YJU2: variants seen among roughly 807,000 people sequenced by gnomAD.
YJU2 encodes splicing factor YJU2.
A neutral mutation model predicts 39.6 loss-of-function variants in YJU2; 28 were observed. The ratio of observed to expected loss-of-function variants is 0.71; its 90% CI spans 0.52 to 0.97. The LOEUF (loss-of-function observed/expected upper bound fraction) is 0.97, where lower values mean the gene tolerates loss of function less well. Among genes scored for constraint, YJU2 ranks in the 50% least tolerant of loss-of-function variants. The probability of loss-of-function intolerance (pLI) is 0.00; values close to 1 mark genes in which losing one functional copy is unlikely to be tolerated. For synonymous variants in YJU2, 184 were observed against 182.4 expected (o/e 1.01, Z -0.07); for missense variants, 328 against 430.4 (o/e 0.76, Z 2.11).
At chr19:4,255,099 C>T (rs2144691989) in intron 4 of YJU2, among the ~76,000 whole-genome samples, 1 of 151,184 alleles carries the variant, frequency 6.6e-6, no homozygotes, top group East Asian at 1.9e-4. Flanking sequence ...TGGCGCATGC[C>T]TGTAATCTCA....
At chr19:4,249,940 CAGGTG>C (rs948317909) in intron 2 of YJU2, among the ~76,000 whole-genome samples, 4 of 152,086 alleles carry the variant, frequency 2.6e-5, no homozygotes, top group Admixed American at 2.0e-4. Context: ...CTCCTGACCT[CAGGTG>C]ATCTGCCCTC....
intron 5 of YJU2, 34 bp from the exon 6 acceptor site, chr19:4,261,960 G>C (rs1971074126): frequency 6.2e-7 from 1 of 1,607,608 alleles, no homozygotes; most frequent in Non-Finnish European, 8.5e-7. Context: ...TCCCCAAACA[G>C]AGCACGTCCA....
chr19:4,249,103 C>T lies in YJU2; in HGVS notation c.25-125C>T, dbSNP rs1039159139. Reference sequence around the variant, plus strand: ...TACTGAGTCCTGCGAGTCCTCCCTGCCTGTCGCGGAACCTGGGGTGGGCTT... The same window carrying T: ...TACTGAGTCCTGCGAGTCCTCCCTGTCTGTCGCGGAACCTGGGGTGGGCTT... On this transcript the variant is annotated intron_variant, in intron 1 of 7. Coordinates refer to ENST00000262962, the MANE Select transcript of YJU2 (RefSeq NM_018074.6). The T allele has an allele frequency of 5.6e-5, 35 of 628,398 alleles. No homozygotes were observed. The Admixed American group carries it at 9.6e-4, about 17-fold the overall frequency. 38.9% of individuals were successfully genotyped at this position (628,398 alleles called of 1,614,324 possible). A position where few individuals can be genotyped will look rare whatever the true frequency, so the allele number is the denominator to read the frequency against.
At position 4,268,632 on chromosome 19, in the gene YJU2, G is replaced by A. The variant is rs1471954923; in HGVS notation, c.908G>A (p.Gly303Asp). ...KEANPTPLTP[G>D]ASSLSQLGAY... ...GCCAACCCTACACCCCTGACGCCTG[G>A]CGCGTCCTCCCTGAGCCAACTGGGT... Residue 303 changes from glycine to aspartate, a missense_variant, in exon 8 of 8, where the codon GGC (glycine) becomes GAC (aspartate). Physicochemically the swap from Gly to Asp is moderately conservative, Grantham distance 94. Coordinates refer to ENST00000262962, the MANE Select transcript of YJU2 (RefSeq NM_018074.6). The A allele has an allele frequency of 1.2e-6, 2 of 1,613,780 alleles. No homozygotes were observed. Among genetic ancestry groups the A allele is most frequent in the Non-Finnish European group, 1.7e-6 (2 of 1,179,942 alleles).
intron 4 of YJU2, among the ~76,000 whole-genome samples, chr19:4,255,308 G>A (rs1971010803): frequency 6.6e-6 from 1 of 152,114 alleles, no homozygotes; most frequent in African/African-American, 2.4e-5. Flanking sequence ...AAGGAGCCAT[G>A]CATGGTGGCT....
chr19:4,249,331 G>C lies in YJU2; in HGVS notation c.125+3G>C. On this transcript the variant is annotated splice_donor_region_variant and intron_variant, in intron 2 of 7. Transcript: ENST00000262962. ...CTGATGGCCCCCTTCAACATGAGGT[G>C]AGCACCCCCTGCGTGACCCCACACA... is the stretch of plus-strand genomic sequence containing the variant. 1 of 1,603,124 alleles carries C rather than the reference G, an allele frequency of 6.2e-7. No homozygotes were observed. Among genetic ancestry groups the C allele is most frequent in the Non-Finnish European group, 8.5e-7 (1 of 1,170,706 alleles).
chr19:4,248,469 C>T (rs915169033), intron 1 of YJU2, among the ~76,000 whole-genome samples: 1 of 152,146 alleles, frequency 6.6e-6, no homozygotes, highest in African/African-American at 2.4e-5. Flanking sequence ...GATTCAGATC[C>T]AGGGAGATGA....
At chr19:4,248,497 G>A (rs1343873896) in intron 1 of YJU2, among the ~76,000 whole-genome samples, 1 of 152,196 alleles carries the variant, frequency 6.6e-6, no homozygotes, top group African/African-American at 2.4e-5. Flanking sequence ...GGAAACGGAT[G>A]TAGTATCGTG....
intron 2 of YJU2, among the ~76,000 whole-genome samples, chr19:4,249,996 C>T (rs1052170199): frequency 2.6e-5 from 4 of 152,122 alleles, no homozygotes; most frequent in Middle Eastern, 3.4e-3. Context: ...CGTGAGCTGC[C>T]GCACCTGGCC....
At chr19:4,259,071 CTTTTTTTTTTTTTTTTTTT>C (rs34728075) in intron 5 of YJU2, among the ~76,000 whole-genome samples, 1 of 90,262 alleles carries the variant, frequency 1.1e-5, no homozygotes, top group South Asian at 3.7e-4. Context: ...GAACACTTTT[CTTTTTTTTTTTTTTTTTTT>C]TTTTTTTTTT....
At chr19:4,262,746 A>G (rs1971082253) in intron 6 of YJU2, among the ~76,000 whole-genome samples, 1 of 151,878 alleles carries the variant, frequency 6.6e-6, no homozygotes, top group African/African-American at 2.4e-5. Context: ...CCTTCTTTAC[A>G]AAATTACAAA....
At chr19:4,256,821 T>C (rs1971025417) in intron 4 of YJU2, among the ~76,000 whole-genome samples, 1 of 152,146 alleles carries the variant, frequency 6.6e-6, no homozygotes. Flanking sequence ...CCTCACAACA[T>C]GGCAGCTGCG....
intron 4 of YJU2, among the ~76,000 whole-genome samples, chr19:4,256,513 GGGC>G (rs1971022716): frequency 6.6e-6 from 1 of 152,106 alleles, no homozygotes. Context: ...TGACAGCAAG[GGGC>G]TCTTACCCTG....
intron 6 of YJU2, among the ~76,000 whole-genome samples, chr19:4,265,947 T>G (rs551517514): frequency 2.7e-5 from 4 of 145,836 alleles, no homozygotes; most frequent in Non-Finnish European, 6.0e-5. Flanking sequence ...AGCCCAGAGC[T>G]ACGACATTTT....
chr19:4,263,988 C>T (rs11880695), intron 6 of YJU2, among the ~76,000 whole-genome samples: 19,795 of 151,436 alleles, frequency 0.13, 1,429 homozygotes, highest in Non-Finnish European at 0.16. Flanking sequence ...CTCGGCCGGG[C>T]GCGGTGGCTC....
At position 4,251,133 on chromosome 19, in the gene YJU2, A is replaced by C; in HGVS notation, c.232A>C (p.Ile78Leu). ...GGGCCTGCCCATCTTCCGCTTTTAC[A>C]TCAAGTGCACGCGCTGCCTGGCAGA... The part of the protein sequence containing the change: ...YLGLPIFRFY[I>L]KCTRCLAEIT... Residue 78 changes from isoleucine to leucine, a missense_variant, in exon 3 of 8, where the codon ATC (isoleucine) becomes CTC (leucine). By Grantham distance (5) the Ile-to-Leu change is conservative. Coordinates refer to ENST00000262962, the MANE Select transcript of YJU2 (RefSeq NM_018074.6). 6.2e-7 allele frequency: 1 copy of C among 1,614,186 alleles called. No homozygotes were observed. Among genetic ancestry groups the C allele is most frequent in the East Asian group, 2.2e-5 (1 of 44,880 alleles).
chr19:4,263,295 G>A (rs781586501), intron 6 of YJU2, among the ~76,000 whole-genome samples: 5 of 152,146 alleles, frequency 3.3e-5, no homozygotes, highest in East Asian at 1.9e-4. Context: ...TCTGGAGCAC[G>A]GCTTCCTGCG....
At chr19:4,259,713 C>T (rs910499398) in intron 5 of YJU2, among the ~76,000 whole-genome samples, 1 of 152,064 alleles carries the variant, frequency 6.6e-6, no homozygotes, top group Non-Finnish European at 1.5e-5. Flanking sequence ...CCTCTGAGCC[C>T]GCGTGCTGAT....
At chr19:4,253,159 AG>A (rs1358817885) in intron 3 of YJU2, among the ~76,000 whole-genome samples, 2 of 151,680 alleles carry the variant, frequency 1.3e-5, no homozygotes, top group Non-Finnish European at 2.9e-5. Context: ...CAGAAGTTCA[AG>A]ACTAGCCTGG....
Sources: gnomAD v4.1 joint callset for allele counts (sites outside exome capture counted in the v4.1 genomes callset) on GRCh38, gnomAD v4.1.1 for gene constraint, MANE v1.5 for transcripts, NCBI Gene and HGNC (gene_info 2026-07-23, HGNC 2026-07-21) for gene names.